TMEM132D: variants seen among roughly 807,000 people sequenced by gnomAD.
The protein encoded by TMEM132D is mature OL transmembrane protein.
Under a neutral mutation model 62.3 loss-of-function variants are expected in TMEM132D, and 21 were observed. The ratio of observed to expected loss-of-function variants is 0.34; its 90% CI spans 0.24 to 0.49. The LOEUF (loss-of-function observed/expected upper bound fraction) is 0.49, where lower values mean the gene tolerates loss of function less well. TMEM132D is among the 20% of genes least tolerant of loss of function. The pLI is 0.99. For synonymous variants in TMEM132D, 621 were observed against 575.6 expected, an observed-to-expected ratio of 1.08 and a Z score of -1.13; for missense variants, 1,346 against 1,402.8, an observed-to-expected ratio of 0.96 and a Z score of 0.65.
chr12:129,382,082 A>G (rs966682179), intron 3 of TMEM132D, among the ~76,000 whole-genome samples: 3 of 152,244 alleles, frequency 2.0e-5, no homozygotes, highest in Non-Finnish European at 4.4e-5. Flanking sequence ...CTGAAAATCT[A>G]TTAAATTTCA....
chr12:129,737,797 T>C (rs1869474964), intron 1 of TMEM132D, among the ~76,000 whole-genome samples: 1 of 152,222 alleles, frequency 6.6e-6, no homozygotes, highest in Non-Finnish European at 1.5e-5. Context: ...TATCTAAAGT[T>C]AACATTCAAA....
At chr12:129,747,633 C>T (rs1341865695) in intron 1 of TMEM132D, among the ~76,000 whole-genome samples, 1 of 150,664 alleles carries the variant, frequency 6.6e-6, no homozygotes, top group Admixed American at 6.6e-5. Flanking sequence ...CAGACACACA[C>T]AGTCAGATAC....
chr12:129,121,549 C>T lies in TMEM132D; in HGVS notation c.1444-36847G>A, dbSNP rs989766852. 6.6e-4 allele frequency among the ~76,000 whole-genome samples: 101 copies of T among 152,146 alleles called. 1 individual carries two copies. The highest frequency in any genetic ancestry group is 2.2e-3 in the African/African-American group (93 of 41,430). ...GGAGTGAATAATTTTGAGAAGGACT[C>T]AACCCACTGTTGCTGGATTTGAAGA... is the stretch of plus-strand genomic sequence containing the variant. On this transcript the variant is annotated intron_variant, in intron 5 of 8. Coordinates refer to ENST00000422113, the MANE Select transcript of TMEM132D (RefSeq NM_133448.3).
intron 1 of TMEM132D, among the ~76,000 whole-genome samples, chr12:129,708,630 A>AC (rs1555226725): frequency 2.7e-4 from 29 of 107,020 alleles, no homozygotes; most frequent in African/African-American, 1.0e-3. Context: ...AAAAAAAAAA[A>AC]ACACACACAC....
intron 6 of TMEM132D, among the ~76,000 whole-genome samples, 194 bp from the exon 7 acceptor site, chr12:129,082,226 G>A (rs2135617291): frequency 6.6e-6 from 1 of 152,318 alleles, no homozygotes; most frequent in East Asian, 1.9e-4. Context: ...AGCATGGCCG[G>A]TGCAGCCAGC....
intron 5 of TMEM132D, among the ~76,000 whole-genome samples, chr12:129,103,330 G>C (rs1398171476): frequency 6.6e-6 from 1 of 152,148 alleles, no homozygotes; most frequent in East Asian, 1.9e-4. Context: ...AGTGTCTCCA[G>C]CACTTGCAGA....
intron 1 of TMEM132D, among the ~76,000 whole-genome samples, chr12:129,759,443 C>T (rs190297310): frequency 1.1e-4 from 17 of 152,248 alleles, no homozygotes; most frequent in Non-Finnish European, 2.2e-4. Context: ...CGGAAGGAAG[C>T]CTTACTCCCG....
At chr12:129,761,748 A>C (rs943415245) in intron 1 of TMEM132D, among the ~76,000 whole-genome samples, 5 of 152,276 alleles carry the variant, frequency 3.3e-5, no homozygotes, top group African/African-American at 1.2e-4. Flanking sequence ...ATAAGCCTCT[A>C]TCCCCTTTTA....
At chr12:129,661,594 T>C (rs1357687026) in intron 2 of TMEM132D, among the ~76,000 whole-genome samples, 3 of 152,182 alleles carry the variant, frequency 2.0e-5, no homozygotes, top group Non-Finnish European at 4.4e-5. Context: ...ATGAATCTGA[T>C]ACTTATCTCA....
intron 5 of TMEM132D, among the ~76,000 whole-genome samples, chr12:129,187,137 T>G: frequency 6.6e-6 from 1 of 152,118 alleles, no homozygotes; most frequent in Non-Finnish European, 1.5e-5. Flanking sequence ...AAACACTGTG[T>G]GTGGTTTTCC....
chr12:129,167,437 G>T (rs1877599628), intron 5 of TMEM132D, among the ~76,000 whole-genome samples: 1 of 152,146 alleles, frequency 6.6e-6, no homozygotes, highest in African/African-American at 2.4e-5. Flanking sequence ...GACTGTTGGT[G>T]CCTGGGCAGT....
chr12:129,759,101 T>TTA (rs1410918629), intron 1 of TMEM132D, among the ~76,000 whole-genome samples: 1 of 152,016 alleles, frequency 6.6e-6, no homozygotes, highest in Non-Finnish European at 1.5e-5. Context: ...GCCTGGCTAA[T>TTA]TTTTGTATTT....
chr12:129,204,732 C>T (rs1878796304), intron 5 of TMEM132D, among the ~76,000 whole-genome samples: 1 of 152,154 alleles, frequency 6.6e-6, no homozygotes, highest in Non-Finnish European at 1.5e-5. Context: ...TCATCAGATT[C>T]TCCAAGGTCA....
At chr12:129,663,171 C>T (rs1281918744) in intron 2 of TMEM132D, among the ~76,000 whole-genome samples, 1 of 151,924 alleles carries the variant, frequency 6.6e-6, no homozygotes, top group Non-Finnish European at 1.5e-5. Flanking sequence ...TGGAGTTTCA[C>T]TCATTACCCA....
intron 3 of TMEM132D, among the ~76,000 whole-genome samples, chr12:129,399,210 C>G (rs1452670462): frequency 6.8e-6 from 1 of 147,768 alleles, no homozygotes; most frequent in Non-Finnish European, 1.5e-5. Flanking sequence ...CCAGTGATAA[C>G]CAACCCACTT....
At chr12:129,146,365 C>T (rs531222096) in intron 5 of TMEM132D, among the ~76,000 whole-genome samples, 1 of 152,188 alleles carries the variant, frequency 6.6e-6, no homozygotes, top group Non-Finnish European at 1.5e-5. Context: ...GTAATTCTCT[C>T]ATCTCTTTCC....
intron 1 of TMEM132D, among the ~76,000 whole-genome samples, chr12:129,782,341 AT>A (rs1164163429): frequency 6.6e-6 from 1 of 152,166 alleles, no homozygotes; most frequent in Non-Finnish European, 1.5e-5. Flanking sequence ...GGGCTCTGGA[AT>A]TGGAAACCTT....
At chr12:129,302,375 A>T (rs963757666) in intron 4 of TMEM132D, among the ~76,000 whole-genome samples, 2 of 152,230 alleles carry the variant, frequency 1.3e-5, no homozygotes, top group Admixed American at 6.5e-5. Context: ...TCGGCCTCCC[A>T]AAGTTCTGGG....
intron 4 of TMEM132D, among the ~76,000 whole-genome samples, chr12:129,322,370 T>A (rs2135644015): frequency 6.6e-6 from 1 of 152,332 alleles, no homozygotes; most frequent in African/African-American, 2.4e-5. Context: ...CTTAATTTTC[T>A]CATCTGCAAA....
Sources: gnomAD v4.1 joint callset for allele counts (sites outside exome capture counted in the v4.1 genomes callset) on GRCh38, gnomAD v4.1.1 for gene constraint, MANE v1.5 for transcripts, NCBI Gene and HGNC (gene_info 2026-07-23, HGNC 2026-07-21) for gene names.